Variants in RASEF observed in about 807,000 individuals in gnomAD.
The protein encoded by RASEF is RAS and EF-hand domain containing.
RASEF carries 68 observed loss-of-function variants against 90.1 expected under a neutral mutation model. The observed-to-expected ratio is 0.75, with a 90% CI of 0.62 to 0.92. The LOEUF (loss-of-function observed/expected upper bound fraction) is 0.92. RASEF is among the 40% of genes least tolerant of loss of function. The pLI is 0.00. For missense variants in RASEF, 949 were observed against 937.2 expected, an observed-to-expected ratio of 1.01 and a Z score of -0.16; for synonymous variants, 331 against 345.2, an observed-to-expected ratio of 0.96 and a Z score of 0.46.
chr9:83,121,516 C>CA, the RASEF span, among the ~76,000 whole-genome samples: 1 of 152,080 alleles, frequency 6.6e-6, no homozygotes, highest in African/African-American at 2.4e-5. Flanking sequence ...CCATCTGATT[C>CA]AAAAATTCAC....
At chr9:82,990,620 A>T (rs1828796198) in intron 15 of RASEF, among the ~76,000 whole-genome samples, 153 bp from the exon 16 acceptor site, 1 of 152,240 alleles carries the variant, frequency 6.6e-6, no homozygotes, top group Non-Finnish European at 1.5e-5. Flanking sequence ...TCCAGTACTT[A>T]CAAAGAAAAT....
At chr9:83,161,139 A>G in the RASEF span, among the ~76,000 whole-genome samples, 1 of 152,120 alleles carries the variant, frequency 6.6e-6, no homozygotes, top group African/African-American at 2.4e-5. Context: ...CACCTAGTGG[A>G]ACTGTGAGAA....
chr9:83,010,191 T>A (rs1174213080), intron 5 of RASEF, among the ~76,000 whole-genome samples: 1 of 152,216 alleles, frequency 6.6e-6, no homozygotes, highest in Admixed American at 6.5e-5. Flanking sequence ...TCACTTAATA[T>A]TTTAAGTTTT....
the RASEF span, among the ~76,000 whole-genome samples, chr9:83,194,820 C>G: frequency 6.6e-6 from 1 of 152,208 alleles, no homozygotes; most frequent in Non-Finnish European, 1.5e-5. Context: ...CTTTGATCAG[C>G]TCTTTTCAGG....
chr9:82,989,558 A>C (rs566574130), intron 16 of RASEF, among the ~76,000 whole-genome samples: 1 of 152,184 alleles, frequency 6.6e-6, no homozygotes, highest in Non-Finnish European at 1.5e-5. Flanking sequence ...GATATTGCAA[A>C]GTATTTTAAC....
intron 1 of RASEF, among the ~76,000 whole-genome samples, chr9:83,037,124 T>C (rs1260919444): frequency 6.6e-6 from 1 of 152,198 alleles, no homozygotes; most frequent in Non-Finnish European, 1.5e-5. Context: ...ATACCACCTG[T>C]GAAACATGAC....
At chr9:82,999,984 GACACACACAC>G (rs55873985) in intron 12 of RASEF, among the ~76,000 whole-genome samples, 175 bp downstream of exon 12, 3,125 of 141,052 alleles carry the variant, frequency 0.022, 45 homozygotes, top group South Asian at 0.058. Flanking sequence ...TAGACTAGGA[GACACACACAC>G]ACACACACAC....
the RASEF span, among the ~76,000 whole-genome samples, chr9:83,078,169 G>T: frequency 6.6e-6 from 1 of 152,084 alleles, no homozygotes; most frequent in Non-Finnish European, 1.5e-5. Flanking sequence ...AAGTCCCCCA[G>T]GTGATTCTGA....
rs770726589 is a variant in RASEF, at chr9:83,062,792, C to T, written c.76G>A (p.Gly26Arg). The T allele has an allele frequency of 7.7e-6, 12 of 1,555,812 alleles. No individual in the cohort carries two copies. Among genetic ancestry groups the T allele is most frequent in the East Asian group, 4.8e-5 (2 of 41,646 alleles). ...CGGAACTCCTCGCGCTCCAGGCGCC[C>T]CGAGCGGTTCGCGTCGCAGGCGGCG... ...VFAACDANRS[G>R]RLEREEFRAL... The change falls in exon 1 of 17, where the codon GGG becomes AGG. Residue 26 changes from glycine (G) to arginine (R), a missense_variant. Physicochemically the swap from Gly to Arg is moderately radical, Grantham distance 125. This residue lies in a region of RASEF where 656 missense variants were observed against 592.2 expected (regional missense o/e 1.11). Coordinates refer to ENST00000376447, the MANE Select transcript of RASEF (RefSeq NM_152573.4).
intron 1 of RASEF, among the ~76,000 whole-genome samples, chr9:83,037,258 G>C (rs1033061739): frequency 7.3e-5 from 11 of 151,528 alleles, no homozygotes; most frequent in African/African-American, 1.2e-4. Context: ...AGCAGAAGAA[G>C]AACTTCAAAA....
intron 15 of RASEF, among the ~76,000 whole-genome samples, chr9:82,992,555 A>C (rs141036953): frequency 6.6e-6 from 1 of 152,268 alleles, no homozygotes; most frequent in East Asian, 1.9e-4. Flanking sequence ...ATCTTTTCAA[A>C]ATAGGACACT....
intron 1 of RASEF, among the ~76,000 whole-genome samples, chr9:83,038,463 A>G (rs79826663): frequency 0.013 from 1,991 of 152,276 alleles, 29 homozygotes; most frequent in South Asian, 0.082. Context: ...TAAAGATTAC[A>G]AGCAATATTA....
At chr9:83,130,283 C>T in the RASEF span, among the ~76,000 whole-genome samples, 1 of 152,116 alleles carries the variant, frequency 6.6e-6, no homozygotes, top group Admixed American at 6.5e-5. Flanking sequence ...AGTTTCACAG[C>T]AAAATTGAGT....
intron 1 of RASEF, chr9:83,048,388 C>T: frequency 3.0e-6 from 3 of 985,358 alleles, no homozygotes; most frequent in Non-Finnish European, 3.6e-6. Context: ...AGGCCATCTA[C>T]CTCGTGATTC....
chr9:83,152,995 T>G, the RASEF span, among the ~76,000 whole-genome samples: 8 of 152,198 alleles, frequency 5.3e-5, no homozygotes, highest in African/African-American at 1.9e-4. Flanking sequence ...CTACTCTGCC[T>G]TAATAAAATA....
chr9:83,106,281 C>T, the RASEF span, among the ~76,000 whole-genome samples: 2 of 152,200 alleles, frequency 1.3e-5, no homozygotes, highest in East Asian at 3.8e-4. Flanking sequence ...TATTCTTTCA[C>T]TGTCAAAAGA....
chr9:83,008,010 T>C (rs182265836), intron 6 of RASEF, among the ~76,000 whole-genome samples: 1 of 152,190 alleles, frequency 6.6e-6, no homozygotes, highest in Non-Finnish European at 1.5e-5. Context: ...CTCCCTCCTC[T>C]CCTTACCTAA....
At chr9:83,156,423 G>T in the RASEF span, among the ~76,000 whole-genome samples, 1 of 152,170 alleles carries the variant, frequency 6.6e-6, no homozygotes, top group Non-Finnish European at 1.5e-5. Context: ...TCTGTTGCTG[G>T]TTCCTCATGT....
the RASEF span, among the ~76,000 whole-genome samples, chr9:83,160,760 GA>G: frequency 2.6e-5 from 4 of 152,288 alleles, no homozygotes; most frequent in African/African-American, 9.6e-5. Flanking sequence ...AGAGGCCTAG[GA>G]AAAAATTGTT....
Sources: allele counts gnomAD v4.1 joint callset (sites outside exome capture counted in the v4.1 genomes callset), GRCh38; gene constraint gnomAD v4.1.1; regional missense constraint gnomAD v4.1.1; transcripts MANE v1.5; gene names NCBI Gene and HGNC (gene_info 2026-07-23, HGNC 2026-07-21).